Variants in ADGRL2 observed in about 807,000 individuals in gnomAD.
ADGRL2 encodes calcium-independent alpha-latrotoxin receptor 2.
Under a neutral mutation model 157.4 loss-of-function variants are expected in ADGRL2, and 44 were observed. That is an observed-to-expected ratio of 0.28 (90% CI 0.22 to 0.36). The LOEUF (loss-of-function observed/expected upper bound fraction) is 0.36. Ranked by LOEUF, ADGRL2 falls within the 10% of genes least tolerant of loss-of-function variation. The probability of loss-of-function intolerance (pLI) is 1.00; values close to 1 mark genes in which losing one functional copy is unlikely to be tolerated. For missense variants in ADGRL2, 1,510 were observed against 1,768.9 expected, an observed-to-expected ratio of 0.85 and a Z score of 2.63; for synonymous variants, 585 against 624.7, an observed-to-expected ratio of 0.94 and a Z score of 0.95.
At chr1:81,801,379 G>C (rs965645508) in intron 1 of ADGRL2, among the ~76,000 whole-genome samples, 1 of 152,146 alleles carries the variant, frequency 6.6e-6, no homozygotes, top group African/African-American at 2.4e-5. Context: ...CAGACCTCGC[G>C]GAGAGTCTGT....
chr1:81,530,128 T>A (rs1286997698), intron 2 of ADGRL2, among the ~76,000 whole-genome samples: 1 of 152,068 alleles, frequency 6.6e-6, no homozygotes, highest in South Asian at 2.1e-4. Flanking sequence ...TGATCATACA[T>A]CTAGTAGTGA....
chr1:81,327,444 G>T (rs578207992), intron 1 of ADGRL2, among the ~76,000 whole-genome samples: 78 of 152,314 alleles, frequency 5.1e-4, no homozygotes, highest in African/African-American at 1.8e-3. Context: ...GTCTGTGCCA[G>T]AAACTGATTA....
chr1:81,936,398 A>G (rs927391189), intron 3 of ADGRL2, among the ~76,000 whole-genome samples: 23 of 152,030 alleles, frequency 1.5e-4, no homozygotes, highest in Middle Eastern at 3.4e-3. Context: ...TTAATATCCT[A>G]GTAAGATATT....
chr1:81,874,953 C>G (rs1033723555), intron 2 of ADGRL2, among the ~76,000 whole-genome samples: 2 of 152,054 alleles, frequency 1.3e-5, no homozygotes, highest in African/African-American at 4.8e-5. Context: ...GTGATCCACC[C>G]ACCTCAGCCT....
chr1:81,342,009 T>C (rs1662108029), intron 1 of ADGRL2, among the ~76,000 whole-genome samples: 1 of 152,180 alleles, frequency 6.6e-6, no homozygotes, highest in African/African-American at 2.4e-5. Flanking sequence ...ATGCAGACTG[T>C]GAAACTGACT....
intron 1 of ADGRL2, among the ~76,000 whole-genome samples, chr1:81,804,962 A>G (rs889585742): frequency 5.9e-5 from 9 of 152,144 alleles, no homozygotes; most frequent in African/African-American, 2.2e-4. Context: ...CCTCAAATGA[A>G]CTTGACACAA....
chr1:81,584,589 T>C (rs2080985281), intron 3 of ADGRL2, among the ~76,000 whole-genome samples: 1 of 152,188 alleles, frequency 6.6e-6, no homozygotes, highest in African/African-American at 2.4e-5. Context: ...ATATTTATAT[T>C]AATCAAAGTT....
At chr1:81,781,969 C>A (rs1161616862) in intron 2 of ADGRL2, among the ~76,000 whole-genome samples, 1 of 152,212 alleles carries the variant, frequency 6.6e-6, no homozygotes, top group Non-Finnish European at 1.5e-5. Flanking sequence ...TGGGGAAGAG[C>A]AGACAAAGTC....
intron 2 of ADGRL2, among the ~76,000 whole-genome samples, chr1:81,839,542 C>G (rs1314836451): frequency 1.3e-5 from 2 of 151,692 alleles, no homozygotes; most frequent in Admixed American, 1.3e-4. Context: ...TCCTACTGTT[C>G]CCCCCAAGTC....
At chr1:81,387,287 A>G (rs1295191431) in intron 1 of ADGRL2, among the ~76,000 whole-genome samples, 1 of 152,178 alleles carries the variant, frequency 6.6e-6, no homozygotes, top group Non-Finnish European at 1.5e-5. Flanking sequence ...ATTTACCAGT[A>G]TTTTTCTAAA....
intron 1 of ADGRL2, among the ~76,000 whole-genome samples, chr1:81,740,838 G>C (rs2085049878): frequency 6.6e-6 from 1 of 152,124 alleles, no homozygotes; most frequent in Admixed American, 6.6e-5. Context: ...CAAAAGAGAT[G>C]AAAGAGATTC....
chr1:81,547,777 G>A (rs955964299), intron 2 of ADGRL2, among the ~76,000 whole-genome samples: 2 of 152,036 alleles, frequency 1.3e-5, no homozygotes, highest in Non-Finnish European at 2.9e-5. Context: ...CCCTCCCAGG[G>A]GCTATGTGCT....
chr1:81,662,617 C>T (rs556951474), intron 3 of ADGRL2, among the ~76,000 whole-genome samples: 5 of 151,700 alleles, frequency 3.3e-5, no homozygotes, highest in Admixed American at 1.3e-4. Flanking sequence ...TGCAGTGGCC[C>T]GATTTCGGCT....
chr1:81,985,073 C>T (rs1246222223), intron 20 of ADGRL2, among the ~76,000 whole-genome samples, 186 bp from the exon 21 acceptor site: 1 of 151,934 alleles, frequency 6.6e-6, no homozygotes, highest in Non-Finnish European at 1.5e-5. Context: ...GGATTAAATG[C>T]CCCTTAGTTG....
rs768961675 is a variant in ADGRL2 at position 81,907,017 on chromosome 1, G to A, written c.74G>A (p.Gly25Asp). The A allele has an allele frequency of 6.2e-7, 1 of 1,611,174 alleles. No homozygotes were observed. The highest frequency in any genetic ancestry group is 8.5e-7 in the Non-Finnish European group (1 of 1,177,736). The stretch of plus-strand genomic sequence containing the variant: ...AATTTTCTTTCTTTTTTATTTTAAG[G>A]TTTCAGCAGAGCAGCTTTACCATTT... ...IVISFLPNTE[G>D]FSRAALPFGL... The change falls in exon 3 of 24, where the codon GGT becomes GAT. Residue 25 changes from glycine to aspartate, a missense_variant and splice_region_variant. Gly to Asp is a moderately conservative substitution (Grantham distance 94). This residue lies in a region of ADGRL2 where 361 missense variants were observed against 498.4 expected (regional missense o/e 0.72). Coordinates refer to ENST00000686636, the MANE Select transcript of ADGRL2 (RefSeq NM_001366006.2).
At chr1:81,953,128 A>G in intron 10 of ADGRL2, 103 bp downstream of exon 10, 1 of 952,186 alleles carries the variant, frequency 1.1e-6, no homozygotes, top group Non-Finnish European at 1.7e-6. Context: ...TTTGATAATT[A>G]TATAATGTGC....
At chr1:81,658,331 G>A (rs2082579600) in intron 3 of ADGRL2, among the ~76,000 whole-genome samples, 1 of 152,182 alleles carries the variant, frequency 6.6e-6, no homozygotes, top group African/African-American at 2.4e-5. Context: ...CTGACCTCAG[G>A]TGATCCACCT....
At chr1:81,624,557 C>A (rs1329282277) in intron 3 of ADGRL2, among the ~76,000 whole-genome samples, 1 of 151,804 alleles carries the variant, frequency 6.6e-6, no homozygotes, top group Non-Finnish European at 1.5e-5. Flanking sequence ...CCCACCCCCC[C>A]CAAAAATAAA....
chr1:81,418,841 C>T (rs567304310), intron 1 of ADGRL2, among the ~76,000 whole-genome samples: 1 of 152,114 alleles, frequency 6.6e-6, no homozygotes, highest in Admixed American at 6.5e-5. Flanking sequence ...CAATATGTAG[C>T]GATTTAACTA....
Sources: gnomAD v4.1 joint callset for allele counts (sites outside exome capture counted in the v4.1 genomes callset) on GRCh38, gnomAD v4.1.1 for gene constraint, gnomAD v4.1.1 regional missense constraint, MANE v1.5 for transcripts, NCBI Gene and HGNC (gene_info 2026-07-23, HGNC 2026-07-21) for gene names.